SLC7A11: variants seen among roughly 807,000 people sequenced by gnomAD.
SLC7A11 encodes the protein solute carrier family 7 member 11.
In SLC7A11, 35 loss-of-function variants were observed where a neutral mutation model predicts 54.5. That is an observed-to-expected ratio of 0.64 (90% confidence interval 0.49 to 0.85). The LOEUF is 0.85. Ranked by LOEUF, SLC7A11 falls within the 40% of genes least tolerant of loss-of-function variation. SLC7A11 has a pLI of 0.00. For synonymous variants in SLC7A11, 230 were observed against 225.2 expected (o/e 1.02, Z -0.19); for missense variants, 583 against 618.1 (o/e 0.94, Z 0.60).
intron 3 of SLC7A11, among the ~76,000 whole-genome samples, chr4:138,229,168 C>A (rs1433047401): frequency 6.6e-6 from 1 of 152,154 alleles, no homozygotes; most frequent in Non-Finnish European, 1.5e-5. Flanking sequence ...GGAAGCAATT[C>A]ATGCAATTCA....
At chr4:138,225,138 C>CTATATATATA (rs36216785) in intron 3 of SLC7A11, among the ~76,000 whole-genome samples, 2,332 of 117,990 alleles carry the variant, frequency 0.02, 18 homozygotes, top group Non-Finnish European at 0.025. Flanking sequence ...AATAATTTCA[C>CTATATATATA]TATATATATA....
At chr4:138,237,735 ATATTTTTTTTTTTTTTTTTTTT>A (rs1361563094) in intron 1 of SLC7A11, among the ~76,000 whole-genome samples, 3 of 9,216 alleles carry the variant, frequency 3.3e-4, no homozygotes, top group Non-Finnish European at 5.3e-4. Context: ...ATATATATAT[ATATTTTTTTTTTTTTTTTTTTT>A]TTTTTTTTTT....
intron 3 of SLC7A11, among the ~76,000 whole-genome samples, chr4:138,224,813 T>G (rs1048490247): frequency 5.2e-5 from 3 of 57,786 alleles, no homozygotes; most frequent in East Asian, 7.3e-4. Context: ...GAAGGAAGGA[T>G]GAAAGGAAGG....
chr4:138,214,459 T>G (rs919974208), intron 6 of SLC7A11, 126 bp downstream of exon 6: 1 of 465,982 alleles, frequency 2.1e-6, no homozygotes. Context: ...AGAATTATAG[T>G]GATGATGATG....
intron 6 of SLC7A11, among the ~76,000 whole-genome samples, chr4:138,200,592 C>A (rs1247561696): frequency 6.6e-6 from 1 of 152,070 alleles, no homozygotes; most frequent in Non-Finnish European, 1.5e-5. Flanking sequence ...TTCTATTCAA[C>A]AACACTAAGC....
chr4:138,193,006 G>C (rs988677338), intron 6 of SLC7A11, among the ~76,000 whole-genome samples: 1 of 152,092 alleles, frequency 6.6e-6, no homozygotes, highest in Non-Finnish European at 1.5e-5. Context: ...ATGGGAATGA[G>C]GTTCAAAATT....
In SLC7A11 at chr4:138,167,054, A is replaced by G. The variant is rs1041111132; in HGVS notation, c.*4902T>C. 6.6e-6 allele frequency: 1 copy of G among 151,908 alleles called. No homozygotes were observed. The highest frequency in any genetic ancestry group is 2.4e-5 in the African/African-American group (1 of 41,362). 9.4% of individuals were successfully genotyped at this position (151,908 alleles called of 1,614,324 possible). ...AGGAAAGAAATAATTATCTCCCAAA[A>G]TTGACTATTAAAAAATAATTTTTAA... On this transcript the variant is annotated 3_prime_UTR_variant, in exon 12 of 12. Coordinates refer to ENST00000280612, the MANE Select transcript of SLC7A11 (RefSeq NM_014331.4).
At position 138,182,337 on chromosome 4, in the gene SLC7A11, T is replaced by C. The variant is rs1259964664; in HGVS notation, c.1076A>G (p.His359Arg). The change falls in exon 9 of 12, where the codon CAT (histidine) becomes CGT (arginine). Residue 359 changes from histidine (H) to arginine (R), a missense_variant. His to Arg is a conservative substitution (Grantham distance 29). Coordinates refer to ENST00000280612, the MANE Select transcript of SLC7A11 (RefSeq NM_014331.4). Reference protein sequence around the residue: ...GHLPEILSMIHVRKHTPLPAV... With the variant: ...GHLPEILSMIRVRKHTPLPAV... Reference sequence around the variant, plus strand: ...TGGTAGAGGAGTGTGCTTGCGGACATGAATCATGGAGAGGATTTCTGGAAG... The same window carrying C: ...TGGTAGAGGAGTGTGCTTGCGGACACGAATCATGGAGAGGATTTCTGGAAG... 3.1e-6 allele frequency: 5 copies of C among 1,612,116 alleles called. No homozygotes were observed. Among genetic ancestry groups the C allele is most frequent in the Non-Finnish European group, 2.5e-6 (3 of 1,178,574 alleles).
intron 5 of SLC7A11, among the ~76,000 whole-genome samples, chr4:138,217,219 A>G (rs79154175): frequency 9.3e-4 from 141 of 152,302 alleles, no homozygotes; most frequent in Non-Finnish European, 1.7e-3. Flanking sequence ...GTATCAGATA[A>G]CATTCCATTT....
intron 3 of SLC7A11, among the ~76,000 whole-genome samples, chr4:138,228,777 A>G (rs1456047419): frequency 4.0e-5 from 6 of 151,256 alleles, no homozygotes; most frequent in African/African-American, 1.5e-4. Context: ...AAAAAAAAAA[A>G]AAAAAGAACA....
intron 3 of SLC7A11, among the ~76,000 whole-genome samples, chr4:138,228,168 C>T (rs1329078436): frequency 2.0e-5 from 3 of 151,960 alleles, no homozygotes; most frequent in Non-Finnish European, 4.4e-5. Flanking sequence ...CAATTACTTT[C>T]AAAAGTTTGA....
chr4:138,228,620 G>A (rs931443240), intron 3 of SLC7A11, among the ~76,000 whole-genome samples: 2 of 151,738 alleles, frequency 1.3e-5, no homozygotes, highest in South Asian at 2.1e-4. Context: ...TTAGCAGGGC[G>A]TGATGGTGGG....
At chr4:138,216,936 G>A (rs1238094616) in intron 5 of SLC7A11, among the ~76,000 whole-genome samples, 1 of 152,170 alleles carries the variant, frequency 6.6e-6, no homozygotes, top group Non-Finnish European at 1.5e-5. Context: ...AGGTCAGAAA[G>A]GCGAGATCAC....
intron 7 of SLC7A11, among the ~76,000 whole-genome samples, chr4:138,183,739 C>T (rs1446640167): frequency 6.6e-6 from 1 of 152,106 alleles, no homozygotes; most frequent in African/African-American, 2.4e-5. Flanking sequence ...ATATGTGTTT[C>T]ATATGCCAAT....
chr4:138,226,933 TTTAC>T (rs1737960856), intron 3 of SLC7A11, among the ~76,000 whole-genome samples: 1 of 152,198 alleles, frequency 6.6e-6, no homozygotes, highest in Non-Finnish European at 1.5e-5. Flanking sequence ...ATAGTTTTTA[TTTAC>T]TTATTTATGA....
Position 138,168,250 on chromosome 4 carries a change from T to C in SLC7A11, c.*3706A>G, listed in dbSNP as rs1252655236. 6.6e-6 allele frequency: 1 copy of C among 152,180 alleles called. No homozygotes were observed. The highest frequency in any genetic ancestry group is 2.4e-5 in the African/African-American group (1 of 41,432). 9.4% of individuals were successfully genotyped at this position (152,180 alleles called of 1,614,324 possible). A position where few individuals can be genotyped will look rare whatever the true frequency, so the allele number is the denominator to read the frequency against. Reference sequence around the variant, plus strand: ...GAGAGGCACTGAAGCTTAGGTTTCATTAGCTTCCTGCGAGATCCACCTATG... The same window carrying C: ...GAGAGGCACTGAAGCTTAGGTTTCACTAGCTTCCTGCGAGATCCACCTATG... On this transcript the variant is annotated 3_prime_UTR_variant, in exon 12 of 12. Transcript: ENST00000280612.
intron 6 of SLC7A11, among the ~76,000 whole-genome samples, chr4:138,193,998 A>C (rs992453519): frequency 6.6e-6 from 1 of 152,190 alleles, no homozygotes; most frequent in African/African-American, 2.4e-5. Flanking sequence ...AAAAGTATAA[A>C]ATTGATAGGG....
chr4:138,189,736 A>AT (rs1179993476), intron 6 of SLC7A11, among the ~76,000 whole-genome samples: 1 of 152,146 alleles, frequency 6.6e-6, no homozygotes, highest in Admixed American at 6.6e-5. Flanking sequence ...AATAAGGTGC[A>AT]TTTTTTAAAG....
chr4:138,165,335 CCTGT>C lies in SLC7A11; in HGVS notation c.*6617_*6620del, dbSNP rs1262713094. The C allele has an allele frequency of 2.0e-5, 3 of 152,554 alleles. No individual in the cohort carries two copies. The highest frequency in any genetic ancestry group is 4.4e-5 in the Non-Finnish European group (3 of 68,006). The allele number at this position is 152,554 out of a possible 1,614,324, so 9.5% of individuals were successfully genotyped here. On this transcript the variant is annotated 3_prime_UTR_variant, in exon 12 of 12. Transcript: ENST00000280612. ...AAGCTCTACAAATATTGAGTCAAAT[CCTGT>C]CTGTCAGAAAATGAAGACCCAATAA...
Sources: allele counts gnomAD v4.1 joint callset (sites outside exome capture counted in the v4.1 genomes callset), GRCh38; gene constraint gnomAD v4.1.1; transcripts MANE v1.5; gene names NCBI Gene and HGNC (gene_info 2026-07-23, HGNC 2026-07-21).